EXOC6B: variants seen among roughly 807,000 people sequenced by gnomAD.
EXOC6B encodes exocyst complex component 6B.
A neutral mutation model predicts 113.5 loss-of-function variants in EXOC6B; 54 were observed. The ratio of observed to expected loss-of-function variants is 0.48; its 90% CI spans 0.38 to 0.60. The LOEUF (loss-of-function observed/expected upper bound fraction) is 0.60, where lower values mean the gene tolerates loss of function less well. Ranked by LOEUF, EXOC6B falls within the 20% of genes least tolerant of loss-of-function variation. The pLI is 0.00. For missense variants in EXOC6B, 797 were observed against 977.5 expected, an observed-to-expected ratio of 0.82 and a Z score of 2.46; for synonymous variants, 357 against 339.0, an observed-to-expected ratio of 1.05 and a Z score of -0.58.
intron 20 of EXOC6B, among the ~76,000 whole-genome samples, chr2:72,200,239 T>C (rs1045763520): frequency 6.6e-6 from 1 of 152,178 alleles, no homozygotes; most frequent in Non-Finnish European, 1.5e-5. Context: ...AGAAGACCAG[T>C]ACTGTAGCCC....
At chr2:72,619,319 T>C (rs908664744) in intron 6 of EXOC6B, among the ~76,000 whole-genome samples, 6 of 152,190 alleles carry the variant, frequency 3.9e-5, no homozygotes, top group East Asian at 1.9e-4. Context: ...GGTTTTCTTA[T>C]ATTGTTTTAC....
intron 6 of EXOC6B, among the ~76,000 whole-genome samples, chr2:72,586,789 C>T (rs1705615529): frequency 6.6e-6 from 1 of 151,610 alleles, no homozygotes; most frequent in Non-Finnish European, 1.5e-5. Flanking sequence ...AGACATTCAT[C>T]AACAAACAAA....
chr2:72,184,723 A>C (rs1020920261), intron 20 of EXOC6B, among the ~76,000 whole-genome samples: 1 of 152,360 alleles, frequency 6.6e-6, no homozygotes, highest in East Asian at 1.9e-4. Flanking sequence ...AGACATATAC[A>C]CATGCCTATA....
intron 18 of EXOC6B, among the ~76,000 whole-genome samples, chr2:72,427,214 G>A (rs559849631): frequency 1.9e-4 from 29 of 152,344 alleles, no homozygotes; most frequent in African/African-American, 5.5e-4. Context: ...GAACAGCATG[G>A]TTGGGCACAG....
intron 1 of EXOC6B, among the ~76,000 whole-genome samples, chr2:72,765,319 A>T (rs1470872080): frequency 6.6e-6 from 1 of 152,036 alleles, no homozygotes; most frequent in Non-Finnish European, 1.5e-5. Context: ...TAAATAAATG[A>T]ATACCTCTCC....
chr2:72,472,979 A>G (rs1026475214), intron 17 of EXOC6B, among the ~76,000 whole-genome samples: 2 of 152,100 alleles, frequency 1.3e-5, no homozygotes, highest in Non-Finnish European at 2.9e-5. Flanking sequence ...ATGTATTTGT[A>G]TCATTTCCAA....
At chr2:72,182,337 T>G (rs1678142202) in intron 21 of EXOC6B, among the ~76,000 whole-genome samples, 1 of 152,062 alleles carries the variant, frequency 6.6e-6, no homozygotes. Context: ...TGCTGAGAGA[T>G]GTAAATAACT....
chr2:72,180,983 G>A (rs935470545), intron 21 of EXOC6B, among the ~76,000 whole-genome samples: 1 of 152,150 alleles, frequency 6.6e-6, no homozygotes, highest in South Asian at 2.1e-4. Flanking sequence ...GCCGAGGCGG[G>A]TGGATCATGA....
At chr2:72,317,685 C>T (rs1312147210) in intron 20 of EXOC6B, among the ~76,000 whole-genome samples, 1 of 152,054 alleles carries the variant, frequency 6.6e-6, no homozygotes, top group Non-Finnish European at 1.5e-5. Flanking sequence ...CACACATTCA[C>T]TTTTAATAAT....
At chr2:72,793,157 C>T (rs1166663285) in intron 1 of EXOC6B, among the ~76,000 whole-genome samples, 1 of 152,090 alleles carries the variant, frequency 6.6e-6, no homozygotes, top group Non-Finnish European at 1.5e-5. Flanking sequence ...TGAACACTTC[C>T]TTTACACATA....
At chr2:72,763,906 C>T (rs1330292288) in intron 1 of EXOC6B, among the ~76,000 whole-genome samples, 1 of 151,632 alleles carries the variant, frequency 6.6e-6, no homozygotes, top group African/African-American at 2.4e-5. Flanking sequence ...CATGGTGAAA[C>T]CTTGTCTCTA....
rs139874004 is a variant in EXOC6B, at chr2:72,619,179, C to CAGAG, written c.670-43515_670-43512dup. The stretch of plus-strand genomic sequence containing the variant: ...GAACAAAGACAGAGAAATACACAGC[C>CAGAG]AGAGAGAGAGAGAGAGAGAGAGAGA... On this transcript the variant is annotated intron_variant, in intron 6 of 21. Coordinates refer to ENST00000272427, the MANE Select transcript of EXOC6B (RefSeq NM_015189.3). 7.9e-3 allele frequency among the ~76,000 whole-genome samples: 1,154 copies of CAGAG among 145,888 alleles called. 8 individuals carry two copies. The highest frequency in any genetic ancestry group is 0.022 in the African/African-American group (876 of 39,676).
intron 6 of EXOC6B, among the ~76,000 whole-genome samples, chr2:72,697,495 G>A (rs1444225716): frequency 6.6e-6 from 1 of 151,922 alleles, no homozygotes; most frequent in East Asian, 1.9e-4. Flanking sequence ...AGACCAGCCT[G>A]GGCAACAAAA....
intron 16 of EXOC6B, among the ~76,000 whole-genome samples, chr2:72,485,238 A>C (rs1375727676): frequency 6.6e-6 from 1 of 152,192 alleles, no homozygotes; most frequent in African/African-American, 2.4e-5. Context: ...ACTAGCCTTA[A>C]ATTCCAAGAA....
At chr2:72,652,354 T>C (rs901751110) in intron 6 of EXOC6B, among the ~76,000 whole-genome samples, 10 of 152,200 alleles carry the variant, frequency 6.6e-5, no homozygotes, top group African/African-American at 2.2e-4. Flanking sequence ...TTTGATTTAC[T>C]TGTCAAGATA....
At chr2:72,543,306 A>G (rs137901903) in intron 8 of EXOC6B, among the ~76,000 whole-genome samples, 113 of 152,330 alleles carry the variant, frequency 7.4e-4, no homozygotes, top group African/African-American at 2.6e-3. Context: ...CTGTCTTGAT[A>G]AGGTTAAAAT....
At chr2:72,332,408 T>C (rs962701986) in intron 20 of EXOC6B, among the ~76,000 whole-genome samples, 3 of 151,914 alleles carry the variant, frequency 2.0e-5, no homozygotes, top group African/African-American at 7.2e-5. Context: ...AGATGAGAAA[T>C]AGGTAACAAT....
intron 6 of EXOC6B, among the ~76,000 whole-genome samples, chr2:72,657,932 T>C (rs1269232069): frequency 6.6e-6 from 1 of 151,554 alleles, no homozygotes; most frequent in Non-Finnish European, 1.5e-5. Flanking sequence ...TAAGTATTAA[T>C]TATATACAAT....
chr2:72,725,769 G>A (rs939892948), intron 5 of EXOC6B, among the ~76,000 whole-genome samples: 1 of 152,198 alleles, frequency 6.6e-6, no homozygotes, highest in Non-Finnish European at 1.5e-5. Flanking sequence ...AGATAAAAAG[G>A]TGCAGGTGCT....
Sources: allele counts gnomAD v4.1 joint callset (sites outside exome capture counted in the v4.1 genomes callset), GRCh38; gene constraint gnomAD v4.1.1; transcripts MANE v1.5; gene names NCBI Gene and HGNC (gene_info 2026-07-23, HGNC 2026-07-21).